UBE2K: variants seen among roughly 807,000 people sequenced by gnomAD.
The protein encoded by UBE2K is ubiquitin-conjugating enzyme E2 K.
Under a neutral mutation model 30.0 loss-of-function variants are expected in UBE2K, and 6 were observed. That is an observed-to-expected ratio of 0.20 (90% CI 0.11 to 0.39). The LOEUF is 0.39. Ranked by LOEUF, UBE2K falls within the 10% of genes least tolerant of loss-of-function variation. UBE2K has a pLI of 1.00. For synonymous variants in UBE2K, 86 were observed against 83.7 expected (o/e 1.03, Z -0.15); for missense variants, 61 against 241.6 (o/e 0.25, Z 4.96).
chr4:39,761,546 T>C (rs1282489643), intron 4 of UBE2K, among the ~76,000 whole-genome samples: 1 of 152,232 alleles, frequency 6.6e-6, no homozygotes, highest in Non-Finnish European at 1.5e-5. Flanking sequence ...CAAAATTTAT[T>C]TACCGGACAT....
intron 4 of UBE2K, 110 bp from the exon 5 acceptor site, chr4:39,774,724 A>C (rs966592633): frequency 2.2e-6 from 1 of 462,126 alleles, no homozygotes; most frequent in African/African-American, 2.0e-5. Flanking sequence ...ATTAAGATAA[A>C]GATCTAAGTA....
rs116458929 is a variant in UBE2K, at chr4:39,768,159, G to A, written c.300-6675G>A. Reference sequence around the variant, plus strand: ...TGTTATTGTGAGACTAGAAAGACGGGCCATTGCGGTGTCTTACACCTGTAA... The same window carrying A: ...TGTTATTGTGAGACTAGAAAGACGGACCATTGCGGTGTCTTACACCTGTAA... On this transcript the variant is annotated intron_variant, in intron 4 of 6. Transcript: ENST00000261427. 6.9e-3 allele frequency among the ~76,000 whole-genome samples: 1,054 copies of A among 151,850 alleles called. 14 individuals are homozygous for A. The highest frequency in any genetic ancestry group is 0.024 in the African/African-American group (995 of 41,388).
At chr4:39,773,738 A>G (rs947424138) in intron 4 of UBE2K, among the ~76,000 whole-genome samples, 12 of 151,240 alleles carry the variant, frequency 7.9e-5, no homozygotes, top group South Asian at 2.1e-4. Flanking sequence ...TGGCTAACAC[A>G]GTGAAACCCC....
intron 5 of UBE2K, among the ~76,000 whole-genome samples, chr4:39,776,847 A>G (rs1055796128): frequency 2.0e-5 from 3 of 152,028 alleles, no homozygotes; most frequent in African/African-American, 7.2e-5. Flanking sequence ...TTGCTTTCCT[A>G]TTGAGCTCTA....
At chr4:39,717,496 T>C (rs1719147680) in intron 1 of UBE2K, among the ~76,000 whole-genome samples, 1 of 152,356 alleles carries the variant, frequency 6.6e-6, no homozygotes, top group South Asian at 2.1e-4. Flanking sequence ...CCCAAAGTGC[T>C]GGGATTACAG....
rs755186554 is a variant in UBE2K at position 39,765,934 on chromosome 4, TACATACACACACAC to T, written c.300-8890_300-8877del. 4.6e-5 allele frequency among the ~76,000 whole-genome samples: 7 copies of T among 151,894 alleles called. No homozygotes were observed. The East Asian group carries it at 1.2e-3, about 25-fold the overall frequency. ...ATACATACATACATACATACATACA[TACATACACACACAC>T]ACATACACATACACATACACAAAAG... On this transcript the variant is annotated intron_variant, in intron 4 of 6. Coordinates refer to ENST00000261427, the MANE Select transcript of UBE2K (RefSeq NM_005339.5).
chr4:39,767,807 TTGAG>T (rs1186409802), intron 4 of UBE2K, among the ~76,000 whole-genome samples: 1 of 152,154 alleles, frequency 6.6e-6, no homozygotes, highest in Non-Finnish European at 1.5e-5. Flanking sequence ...AATACTTCCT[TTGAG>T]TGAAAATTTT....
intron 2 of UBE2K, among the ~76,000 whole-genome samples, chr4:39,741,019 T>TC (rs1477796368): frequency 6.6e-6 from 1 of 151,988 alleles, no homozygotes; most frequent in East Asian, 1.9e-4. Flanking sequence ...ATGCCTGTAA[T>TC]CCCAGCACTT....
At chr4:39,757,025 G>GTTTTTT (rs1462859142) in intron 4 of UBE2K, among the ~76,000 whole-genome samples, 4 of 70,930 alleles carry the variant, frequency 5.6e-5, no homozygotes, top group Non-Finnish European at 1.1e-4. Context: ...TTTGTTTTTT[G>GTTTTTT]TTTTTTGTTT....
At chr4:39,771,135 G>T in intron 4 of UBE2K, 1 of 1,612,560 alleles carries the variant, frequency 6.2e-7, no homozygotes, top group Non-Finnish European at 8.5e-7. Context: ...TAAGATAGTT[G>T]ACGATGTCCC....
chr4:39,702,231 C>CTTTTCTTTTTTTTTTTT (rs1718062050), intron 1 of UBE2K, among the ~76,000 whole-genome samples: 2 of 67,364 alleles, frequency 3.0e-5, no homozygotes, highest in Non-Finnish European at 5.5e-5. Flanking sequence ...CTTTTCTTTT[C>CTTTTCTTTTTTTTTTTT]TTTTTTTTTT....
Position 39,726,557 on chromosome 4 carries a change from T to TA in UBE2K, c.64-10863_64-10862insA, listed in dbSNP as rs1453592311. Among the ~76,000 whole-genome samples, 6 of 150,036 alleles carry TA rather than the reference T, an allele frequency of 4.0e-5. No homozygotes were observed. In the East Asian group the frequency reaches 1.2e-3, roughly 30 times the overall value. On this transcript the variant is annotated intron_variant, in intron 1 of 6. Coordinates refer to ENST00000261427, the MANE Select transcript of UBE2K (RefSeq NM_005339.5). ...CGGTAGTTATGAACATGTGGCTAGT[T>TA]TGTCTGTCAGATTCCCACTCCCTTC...
chr4:39,746,945 A>G (rs1721016342), intron 3 of UBE2K, among the ~76,000 whole-genome samples: 1 of 152,190 alleles, frequency 6.6e-6, no homozygotes, highest in Non-Finnish European at 1.5e-5. Flanking sequence ...CCTGAGTCAT[A>G]TAGGTCTTTT....
At chr4:39,754,814 A>C (rs1721444596) in intron 3 of UBE2K, among the ~76,000 whole-genome samples, 1 of 152,202 alleles carries the variant, frequency 6.6e-6, no homozygotes, top group Non-Finnish European at 1.5e-5. Flanking sequence ...TGAAGTTCTT[A>C]GAACATTAAT....
Position 39,774,838 on chromosome 4 carries a change from G to A in UBE2K, c.304G>A (p.Ala102Thr). ...CLDILKDQWA[A>T]AMTLRTVLLS... The stretch of plus-strand genomic sequence containing the variant: ...TTTTCATGTTTTGCATTTTAGGGCA[G>A]CTGCAATGACTCTCCGCACGGTATT... The change falls in exon 5 of 7, where the codon GCT becomes ACT. Residue 102 changes from alanine to threonine, a missense_variant. Coordinates refer to ENST00000261427, the MANE Select transcript of UBE2K (RefSeq NM_005339.5). 6.7e-7 allele frequency: 1 copy of A among 1,498,380 alleles called. No homozygotes were observed. The highest frequency in any genetic ancestry group is 1.4e-5 in the South Asian group (1 of 72,190). 92.8% of individuals were successfully genotyped at this position (1,498,380 alleles called of 1,614,324 possible).
At chr4:39,718,230 T>A (rs1719212608) in intron 1 of UBE2K, among the ~76,000 whole-genome samples, 1 of 152,136 alleles carries the variant, frequency 6.6e-6, no homozygotes, top group Non-Finnish European at 1.5e-5. Context: ...GCGTTTACAA[T>A]CCCTGAGCTA....
intron 4 of UBE2K, among the ~76,000 whole-genome samples, 185 bp downstream of exon 4, chr4:39,755,924 G>A (rs1044073076): frequency 1.3e-5 from 2 of 152,188 alleles, no homozygotes; most frequent in African/African-American, 4.8e-5. Flanking sequence ...TATTTAAATA[G>A]AAACTTGTTA....
chr4:39,698,485 T>G (rs1578405038), intron 1 of UBE2K, 95 bp downstream of exon 1: 1 of 1,207,290 alleles, frequency 8.3e-7, no homozygotes, highest in Non-Finnish European at 1.2e-6. Flanking sequence ...CCCTGGGTGG[T>G]CCTCCTTGCG....
chr4:39,720,462 T>C (rs302938), intron 1 of UBE2K, among the ~76,000 whole-genome samples: 15,274 of 152,172 alleles, frequency 0.1, 1,102 homozygotes, highest in African/African-American at 0.2. Context: ...GCTACCTATG[T>C]TAATAAAATG....
Sources: gnomAD v4.1 joint callset for allele counts (sites outside exome capture counted in the v4.1 genomes callset) on GRCh38, gnomAD v4.1.1 for gene constraint, MANE v1.5 for transcripts, NCBI Gene and HGNC (gene_info 2026-07-23, HGNC 2026-07-21) for gene names.